TBC1D14: variants seen among roughly 807,000 people sequenced by gnomAD.
TBC1D14 encodes the protein TBC1 domain family, member 14.
In TBC1D14, 26 loss-of-function variants were observed where a neutral mutation model predicts 79.0. The observed-to-expected ratio is 0.33, with a 90% CI of 0.24 to 0.46. The LOEUF (loss-of-function observed/expected upper bound fraction) is 0.46. Among genes scored for constraint, TBC1D14 ranks in the 20% least tolerant of loss-of-function variants. The probability of loss-of-function intolerance (pLI) is 1.00; values close to 1 mark genes in which losing one functional copy is unlikely to be tolerated. For missense variants in TBC1D14, 769 were observed against 887.6 expected (o/e 0.87, Z 1.70); for synonymous variants, 394 against 349.9 (o/e 1.13, Z -1.40).
chr4:6,929,085 C>A (rs1724511285), intron 2 of TBC1D14, among the ~76,000 whole-genome samples: 1 of 152,084 alleles, frequency 6.6e-6, no homozygotes, highest in African/African-American at 2.4e-5. Flanking sequence ...CTGCTATGGA[C>A]CTGCATTGCT....
chr4:6,997,801 A>T (rs1719216280), intron 5 of TBC1D14, among the ~76,000 whole-genome samples: 1 of 152,162 alleles, frequency 6.6e-6, no homozygotes, highest in African/African-American at 2.4e-5. Flanking sequence ...CACTTCTATG[A>T]GGTCCCTAAG....
intron 2 of TBC1D14, among the ~76,000 whole-genome samples, chr4:6,942,223 A>G (rs1048193059): frequency 1.3e-5 from 2 of 152,212 alleles, no homozygotes; most frequent in Non-Finnish European, 2.9e-5. Flanking sequence ...TTTTTAGAAT[A>G]TTCAGTACAA....
chr4:6,917,513 C>G (rs1386235716), intron 1 of TBC1D14, among the ~76,000 whole-genome samples: 1 of 152,054 alleles, frequency 6.6e-6, no homozygotes, highest in Non-Finnish European at 1.5e-5. Context: ...GTGCCACACC[C>G]TACTGGGACT....
At chr4:7,023,344 G>A (rs528572222) in intron 12 of TBC1D14, among the ~76,000 whole-genome samples, 1 of 152,340 alleles carries the variant, frequency 6.6e-6, no homozygotes, top group East Asian at 1.9e-4. Flanking sequence ...GATGTAGGGA[G>A]AGTCTGATTT....
At chr4:6,937,011 G>C (rs1191427671) in intron 2 of TBC1D14, among the ~76,000 whole-genome samples, 1 of 152,130 alleles carries the variant, frequency 6.6e-6, no homozygotes, top group African/African-American at 2.4e-5. Context: ...TCCGCCTTCC[G>C]GGTTCAAGCG....
At chr4:6,912,228 A>C (rs1420262607) in intron 1 of TBC1D14, among the ~76,000 whole-genome samples, 2 of 151,920 alleles carry the variant, frequency 1.3e-5, no homozygotes, top group Non-Finnish European at 2.9e-5. Flanking sequence ...GTCTATACTA[A>C]AAATACAAAA....
intron 1 of TBC1D14, among the ~76,000 whole-genome samples, chr4:6,919,581 C>G (rs1723669581): frequency 6.6e-6 from 1 of 152,108 alleles, no homozygotes; most frequent in Non-Finnish European, 1.5e-5. Context: ...CCTTTACTCA[C>G]TGGGTCGTAT....
chr4:7,003,540 T>C (rs1310547546), intron 7 of TBC1D14, among the ~76,000 whole-genome samples: 1 of 152,242 alleles, frequency 6.6e-6, no homozygotes, highest in Non-Finnish European at 1.5e-5. Flanking sequence ...TTTAATAAAA[T>C]AGTGTGCACT....
rs1327191957 is a variant in TBC1D14 at position 7,025,264 on chromosome 4, T to C, written c.2016+2T>C. On this transcript the variant is annotated splice_donor_variant, in intron 13 of 13. Transcript: ENST00000409757. LOFTEE classifies it high-confidence loss of function. ...AGCCGAAACAAGAAGTGGGCTCAGG[T>C]CAGCGGGCTTTGTGTTCTTGGCTTC... The C allele has an allele frequency of 6.2e-7, 1 of 1,614,116 alleles. No individual in the cohort carries two copies.
chr4:7,005,715 T>C (rs1257412460), intron 8 of TBC1D14, among the ~76,000 whole-genome samples: 2 of 150,908 alleles, frequency 1.3e-5, no homozygotes, highest in Non-Finnish European at 3.0e-5. Flanking sequence ...AAAAAAGAAA[T>C]AGAACATCCC....
rs887459270 is a variant in TBC1D14, at chr4:6,929,189, C to T, written c.722+5078C>T. On this transcript the variant is annotated intron_variant, in intron 2 of 13. Coordinates refer to ENST00000409757, the MANE Select transcript of TBC1D14 (RefSeq NM_020773.3). The stretch of plus-strand genomic sequence containing the variant: ...TCACTGTTTGCTGGTGTGTGGTCCT[C>T]GGTAAGGCAGGTGCTCAGTCTCTCT... 7.2e-5 allele frequency among the ~76,000 whole-genome samples: 11 copies of T among 152,136 alleles called. No homozygotes were observed. In the South Asian group the frequency reaches 1.0e-3, roughly 14 times the overall value.
intron 2 of TBC1D14, among the ~76,000 whole-genome samples, chr4:6,953,504 G>A (rs1405915842): frequency 3.4e-5 from 5 of 145,364 alleles, no homozygotes; most frequent in Middle Eastern, 3.3e-3. Flanking sequence ...GGTGGCGGGC[G>A]CCTGTAGTCC....
In TBC1D14 at chr4:7,031,197, A is replaced by T. The variant is rs3756255; in HGVS notation, c.*805A>T. ...AGAGTGGAATCAGCCCCCTGTAAGTAAAAGGGTAGAGAAAGAGATGTGTGG... is the reference window on the plus strand; with the variant it reads ...AGAGTGGAATCAGCCCCCTGTAAGTTAAAGGGTAGAGAAAGAGATGTGTGG... On this transcript the variant is annotated 3_prime_UTR_variant, in exon 14 of 14. Transcript: ENST00000409757. 46,436 of 152,292 alleles carry T rather than the reference A, an allele frequency of 0.3. 7,208 individuals carry two copies. The highest frequency in any genetic ancestry group is 0.34 in the Admixed American group (5,172 of 15,286). 9.4% of individuals were successfully genotyped at this position (152,292 alleles called of 1,614,324 possible).
intron 3 of TBC1D14, among the ~76,000 whole-genome samples, chr4:6,977,604 T>C (rs1199278057): frequency 3.6e-5 from 5 of 140,642 alleles, no homozygotes; most frequent in South Asian, 4.7e-4. Context: ...GTGAGGAGCC[T>C]CTCTGCCTGG....
intron 2 of TBC1D14, among the ~76,000 whole-genome samples, chr4:6,925,711 G>A (rs905803999): frequency 6.6e-6 from 1 of 152,164 alleles, no homozygotes; most frequent in African/African-American, 2.4e-5. Flanking sequence ...AGGAACCTGG[G>A]AACTTTGGGG....
At chr4:7,011,294 T>C (rs115026953) in intron 11 of TBC1D14, among the ~76,000 whole-genome samples, 1,613 of 145,118 alleles carry the variant, frequency 0.011, 22 homozygotes, top group Middle Eastern at 0.045. Flanking sequence ...CTCTAGTCTT[T>C]ATGACACTGC....
chr4:7,013,774 C>G (rs917809815), intron 11 of TBC1D14, among the ~76,000 whole-genome samples: 1 of 150,482 alleles, frequency 6.6e-6, no homozygotes, highest in Non-Finnish European at 1.5e-5. Context: ...GATGGAGTCT[C>G]GCTGTGTCGC....
intron 2 of TBC1D14, among the ~76,000 whole-genome samples, chr4:6,930,533 C>T (rs1026550903): frequency 2.6e-5 from 4 of 152,336 alleles, no homozygotes; most frequent in Admixed American, 2.0e-4. Flanking sequence ...CGCAGTGGCT[C>T]ACGCCTGTAA....
rs139470475 is a variant in TBC1D14 at position 7,025,124 on chromosome 4, C to T, written c.1878C>T (p.Phe626=). 9.3e-6 allele frequency: 15 copies of T among 1,614,070 alleles called. No homozygotes were observed. The highest frequency in any genetic ancestry group is 6.7e-5 in the Admixed American group (4 of 59,998). The change falls in exon 13 of 14, where the codon TTC becomes TTT. Residue 626 remains phenylalanine (F), a synonymous_variant. Transcript: ENST00000409757. ...FRTALGILKL[F]EDILTKMDFI... ...CGGCCCTGGGCATCCTGAAGCTGTTCGAGGACATCCTGACCAAGATGGACT... is the reference window on the plus strand; with the variant it reads ...CGGCCCTGGGCATCCTGAAGCTGTTTGAGGACATCCTGACCAAGATGGACT...
Sources: allele counts gnomAD v4.1 joint callset (sites outside exome capture counted in the v4.1 genomes callset), GRCh38; gene constraint gnomAD v4.1.1; transcripts MANE v1.5; gene names NCBI Gene and HGNC (gene_info 2026-07-23, HGNC 2026-07-21).